Variants in TOR2A observed in about 807,000 individuals in gnomAD.
The protein encoded by TOR2A is prosalusin.
Under a neutral mutation model 28.6 loss-of-function variants are expected in TOR2A, and 24 were observed. That is an observed-to-expected ratio of 0.84 (90% confidence interval 0.61 to 1.18). The LOEUF (loss-of-function observed/expected upper bound fraction) is 1.18, where lower values mean the gene tolerates loss of function less well. Ranked by LOEUF, TOR2A falls within the 50% of genes most tolerant of loss-of-function variation. The probability of loss-of-function intolerance (pLI) is 0.00; values close to 1 mark genes in which losing one functional copy is unlikely to be tolerated. For missense variants in TOR2A, 426 were observed against 448.1 expected (o/e 0.95, Z 0.45); for synonymous variants, 203 against 203.1 (o/e 1.00, Z 0.00).
chr9:127,732,992 G>T, intron 3 of TOR2A: 2 of 1,382,662 alleles, frequency 1.4e-6, no homozygotes, highest in Non-Finnish European at 1.9e-6. Context: ...CTGTTCAGAA[G>T]CAGAGACAGA....
chr9:127,731,974 G>T lies in TOR2A; in HGVS notation c.*60C>A. On this transcript the variant is annotated 3_prime_UTR_variant, in exon 5 of 5. Transcript: ENST00000373284. ...GGTGCTCTGGGTTCCTGTGACAGAG[G>T]CCCCTGGCCTTTCCTGCATGGCCTG... 6.5e-7 allele frequency: 1 copy of T among 1,549,536 alleles called. No homozygotes were observed.
At chr9:127,734,165 A>C in intron 2 of TOR2A, 134 bp downstream of exon 2, 1 of 1,213,696 alleles carries the variant, frequency 8.2e-7, no homozygotes, top group African/African-American at 1.6e-5. Flanking sequence ...AGTTCTGTGC[A>C]GGATGGGTCC....
At chr9:127,734,623 C>A in intron 1 of TOR2A, 59 bp from the exon 2 acceptor site, 1 of 1,425,920 alleles carries the variant, frequency 7.0e-7, no homozygotes, top group Non-Finnish European at 9.2e-7. Context: ...TCAAGGAGAA[C>A]ATCATGTCTG....
intron 1 of TOR2A, 38 bp from the exon 2 acceptor site, chr9:127,734,602 G>A (rs749074230): frequency 7.5e-6 from 11 of 1,463,710 alleles, no homozygotes; most frequent in South Asian, 1.4e-5. Context: ...ACATCCCACC[G>A]AGGCAGAGGT....
chr9:127,734,167 G>C lies in TOR2A; in HGVS notation c.417+132C>G, dbSNP rs1844585919. 2.4e-6 allele frequency: 3 copies of C among 1,227,186 alleles called. No homozygotes were observed. The East Asian group carries it at 8.4e-5, about 34-fold the overall frequency. 76.0% of individuals were successfully genotyped at this position (1,227,186 alleles called of 1,614,324 possible). ...TGACACCTTCCCAAGTTCTGTGCAG[G>C]ATGGGTCCTGAGGGCTGGGGCTGCA... On this transcript the variant is annotated intron_variant, in intron 2 of 4. Transcript: ENST00000373284.
chr9:127,733,895 C>T (rs1475975632), intron 2 of TOR2A: 1 of 417,796 alleles, frequency 2.4e-6, no homozygotes, highest in Admixed American at 4.1e-5. Flanking sequence ...ACTGATCAGC[C>T]TGGTGGGTAC....
At chr9:127,733,686 T>C (rs1844566833) in intron 2 of TOR2A, 126 bp from the exon 3 acceptor site, 4 of 826,054 alleles carry the variant, frequency 4.8e-6, no homozygotes, top group Middle Eastern at 7.3e-4. Context: ...ACCAACCTCT[T>C]AGTGAGACTG....
At chr9:127,733,064 C>T in intron 3 of TOR2A, 1 of 1,443,790 alleles carries the variant, frequency 6.9e-7, no homozygotes. Context: ...AGAGCTGGGA[C>T]TAAAGGACAA....
intron 2 of TOR2A, chr9:127,733,912 A>G: frequency 2.5e-6 from 1 of 407,218 alleles, no homozygotes; most frequent in East Asian, 4.1e-5. Flanking sequence ...GTACCCTGCA[A>G]TCAACAACAG....
In TOR2A at chr9:127,733,373, G is replaced by A. The variant is rs769393342; in HGVS notation, c.593+12C>T. The A allele has an allele frequency of 1.9e-6, 3 of 1,613,780 alleles. No individual in the cohort carries two copies. Among genetic ancestry groups the A allele is most frequent in the South Asian group, 2.2e-5 (2 of 91,090 alleles). Reference sequence around the variant, plus strand: ...GCCCCCCCACTGTGCCCACTGCAAAGCCGGGCCCCACCTGATGAAGATGAA... The same window carrying A: ...GCCCCCCCACTGTGCCCACTGCAAAACCGGGCCCCACCTGATGAAGATGAA... On this transcript the variant is annotated intron_variant, in intron 3 of 4. Transcript: ENST00000373284.
Position 127,731,685 on chromosome 9 carries a change from T to A in TOR2A, c.*349A>T. On this transcript the variant is annotated 3_prime_UTR_variant, in exon 5 of 5. Coordinates refer to ENST00000373284, the MANE Select transcript of TOR2A (RefSeq NM_001085347.3). ...AGGGTGTGGGGTGGAGGGGAGGAGG[T>A]ATGGTGCCCGACCAAGGAGGCAAGG... is the stretch of plus-strand genomic sequence containing the variant. 4.0e-6 allele frequency: 3 copies of A among 758,222 alleles called. No homozygotes were observed. The highest frequency in any genetic ancestry group is 5.9e-6 in the Non-Finnish European group (3 of 510,550). 47.0% of individuals were successfully genotyped at this position (758,222 alleles called of 1,614,324 possible).
chr9:127,731,598 G>A lies in TOR2A; in HGVS notation c.*436C>T. The A allele has an allele frequency of 1.6e-6, 2 of 1,271,848 alleles. No individual in the cohort carries two copies. The allele number at this position is 1,271,848 out of a possible 1,614,324, so 78.8% of individuals were successfully genotyped here. ...AAAACATCTAAAACCAGGCCCAAGTGGCAGCTTGAGTCCCTCCATTTCTGG... is the reference window on the plus strand; with the variant it reads ...AAAACATCTAAAACCAGGCCCAAGTAGCAGCTTGAGTCCCTCCATTTCTGG... On this transcript the variant is annotated 3_prime_UTR_variant, in exon 5 of 5. Coordinates refer to ENST00000373284, the MANE Select transcript of TOR2A (RefSeq NM_001085347.3).
chr9:127,734,469 G>C lies in TOR2A; in HGVS notation c.247C>G (p.Pro83Ala), dbSNP rs756128027. 2 of 1,605,820 alleles carry C rather than the reference G, an allele frequency of 1.2e-6. No individual in the cohort carries two copies. Among genetic ancestry groups the C allele is most frequent in the African/African-American group, 2.7e-5 (2 of 74,650 alleles). The change falls in exon 2 of 5, where the codon CCC becomes GCC. Residue 83 changes from proline (P) to alanine (A), a missense_variant. Coordinates refer to ENST00000373284, the MANE Select transcript of TOR2A (RefSeq NM_001085347.3). Reference protein sequence around the residue: ...ALKAFVRDPAPTKPLVLSLHG... With the variant: ...ALKAFVRDPAATKPLVLSLHG... ...AGGGAGAGGACCAGCGGCTTGGTGG[G>C]GGCTGGGTCCCGCACAAAGGCCTTC...
intron 2 of TOR2A, 123 bp downstream of exon 2, chr9:127,734,176 T>TG (rs1356574451): frequency 7.5e-7 from 1 of 1,330,054 alleles, no homozygotes; most frequent in African/African-American, 1.5e-5. Flanking sequence ...GGATGGGTCC[T>TG]GAGGGCTGGG....
Position 127,734,000 on chromosome 9 carries a change from A to G in TOR2A, c.417+299T>C, listed in dbSNP as rs1844579808. ...CTGATTTCCAGCAAGACAACAGTGC[A>G]GATTATCTGACAAACATAGGTGCTC... On this transcript the variant is annotated intron_variant, in intron 2 of 4. Transcript: ENST00000373284. The G allele has an allele frequency of 9.2e-6, 4 of 432,866 alleles. No homozygotes were observed. The East Asian group carries it at 1.4e-4, about 16-fold the overall frequency. 26.8% of individuals were successfully genotyped at this position (432,866 alleles called of 1,614,324 possible). A position where few individuals can be genotyped will look rare whatever the true frequency, so the allele number is the denominator to read the frequency against.
chr9:127,733,618 C>G, intron 2 of TOR2A, 58 bp from the exon 3 acceptor site: 1 of 1,472,380 alleles, frequency 6.8e-7, no homozygotes, highest in Non-Finnish European at 9.1e-7. Flanking sequence ...AACACCAGAC[C>G]TCTTCCCAAA....
Position 127,731,927 on chromosome 9 carries a change from C to T in TOR2A, c.*107G>A, listed in dbSNP as rs1844443648. 7.3e-6 allele frequency: 11 copies of T among 1,513,286 alleles called. No individual in the cohort carries two copies. The South Asian group carries it at 9.4e-5, about 13-fold the overall frequency. The allele number at this position is 1,513,286 out of a possible 1,614,324, so 93.7% of individuals were successfully genotyped here. A position where few individuals can be genotyped will look rare whatever the true frequency, so the allele number is the denominator to read the frequency against. On this transcript the variant is annotated 3_prime_UTR_variant, in exon 5 of 5. Transcript: ENST00000373284. ...CTGGCCATCTGTCCCGTGGCCTAGCCGACACTCCGTTCATCTCACTTGGTG... is the reference window on the plus strand; with the variant it reads ...CTGGCCATCTGTCCCGTGGCCTAGCTGACACTCCGTTCATCTCACTTGGTG...
At chr9:127,733,808 C>G (rs1346889426) in intron 2 of TOR2A, 2 of 534,460 alleles carry the variant, frequency 3.7e-6, no homozygotes, top group Non-Finnish European at 6.6e-6. Flanking sequence ...GCTCCTTCCA[C>G]GACACTTGCT....
At chr9:127,734,641 G>C (rs1332384123) in intron 1 of TOR2A, 77 bp from the exon 2 acceptor site, 2 of 1,387,492 alleles carry the variant, frequency 1.4e-6, no homozygotes, top group South Asian at 1.6e-5. Context: ...CTGGAACCTG[G>C]TCTGGGACTC....
Sources: gnomAD v4.1 joint callset for allele counts on GRCh38, gnomAD v4.1.1 for gene constraint, MANE v1.5 for transcripts, NCBI Gene and HGNC (gene_info 2026-07-23, HGNC 2026-07-21) for gene names.